The following SLC36A1 variants were observed in gnomAD, a reference collection of about 807,000 sequenced individuals.
SLC36A1 encodes solute carrier family 36 member 1, also known as proton-coupled amino acid transporter 1.
A neutral mutation model predicts 47.5 loss-of-function variants in SLC36A1; 30 were observed. The observed-to-expected ratio is 0.63, with a 90% CI of 0.47 to 0.86. SLC36A1 has a LOEUF of 0.86. SLC36A1 is among the 40% of genes least tolerant of loss of function. The pLI is 0.00. For synonymous variants in SLC36A1, 255 were observed against 249.7 expected (o/e 1.02, Z -0.20); for missense variants, 517 against 606.0 (o/e 0.85, Z 1.54).
chr5:151,448,541 C>T (rs1178481048), intron 1 of SLC36A1, among the ~76,000 whole-genome samples: 1 of 152,156 alleles, frequency 6.6e-6, no homozygotes, highest in Non-Finnish European at 1.5e-5. Flanking sequence ...GTAAGTCACA[C>T]CAAAATATGA....
At chr5:151,373,427 G>T in the SLC36A1 span, among the ~76,000 whole-genome samples, 1 of 152,242 alleles carries the variant, frequency 6.6e-6, no homozygotes, top group East Asian at 1.9e-4. Flanking sequence ...TAGATACAGA[G>T]AAACAGATAT....
Position 151,487,965 on chromosome 5 carries a change from T to C in SLC36A1, c.1160-18T>C, listed in dbSNP as rs1253319553. 1.5e-5 allele frequency: 25 copies of C among 1,613,348 alleles called. No individual in the cohort carries two copies. Among genetic ancestry groups the C allele is most frequent in the Non-Finnish European group, 1.9e-5 (23 of 1,179,832 alleles). ...CAGCTCTGGGCATCTTAAACAGGCA[T>C]GTCCTCTCTCCCTGCAGGCATCTTG... On this transcript the variant is annotated intron_variant, in intron 10 of 10. Transcript: ENST00000243389.
the SLC36A1 span, among the ~76,000 whole-genome samples, chr5:151,375,697 G>A: frequency 6.6e-6 from 1 of 152,008 alleles, no homozygotes; most frequent in Non-Finnish European, 1.5e-5. Context: ...TTTCCTTGTA[G>A]AGATCTTTCA....
the SLC36A1 span, among the ~76,000 whole-genome samples, chr5:151,409,042 A>G: frequency 7.1e-6 from 1 of 140,426 alleles, no homozygotes; most frequent in Non-Finnish European, 1.5e-5. Context: ...TGTGTTGCTC[A>G]GGCTGGAGTG....
At chr5:151,521,739 G>A in the SLC36A1 span, 1,182,777 of 1,613,792 alleles carry the variant, frequency 0.73, 436,490 homozygotes, top group East Asian at 0.95. Context: ...CATGCCACAC[G>A]TACACATGGA....
At chr5:151,527,592 T>C in the SLC36A1 span, among the ~76,000 whole-genome samples, 23 of 152,228 alleles carry the variant, frequency 1.5e-4, no homozygotes, top group Non-Finnish European at 2.8e-4. Flanking sequence ...AATGAGACCT[T>C]GGGAAAGTGA....
At chr5:151,544,400 C>G in the SLC36A1 span, 1 of 1,614,182 alleles carries the variant, frequency 6.2e-7, no homozygotes, top group Admixed American at 1.7e-5. Flanking sequence ...GTGGCTCTGA[C>G]TGTGAACACA....
In SLC36A1 at chr5:151,491,809, A is replaced by C. The variant is rs895287841; in HGVS notation, c.*3555A>C. 1.3e-5 allele frequency: 2 copies of C among 152,422 alleles called. No homozygotes were observed. Among genetic ancestry groups the C allele is most frequent in the South Asian group, 4.1e-4 (2 of 4,834 alleles). 9.4% of individuals were successfully genotyped at this position (152,422 alleles called of 1,614,324 possible). ...TGGCTTCCACTCTGCCTTAGAAGTTAATTTTCCAAAGTACATTACAAATCT... is the reference window on the plus strand; with the variant it reads ...TGGCTTCCACTCTGCCTTAGAAGTTCATTTTCCAAAGTACATTACAAATCT... On this transcript the variant is annotated 3_prime_UTR_variant, in exon 11 of 11. Coordinates refer to ENST00000243389, the MANE Select transcript of SLC36A1 (RefSeq NM_078483.4).
the SLC36A1 span, among the ~76,000 whole-genome samples, chr5:151,418,126 G>A: frequency 6.6e-6 from 1 of 152,272 alleles, no homozygotes; most frequent in Non-Finnish European, 1.5e-5. Flanking sequence ...CCTCTGCTTA[G>A]ATTTCAGAGG....
chr5:151,413,879 A>G, the SLC36A1 span, among the ~76,000 whole-genome samples: 1 of 152,074 alleles, frequency 6.6e-6, no homozygotes, highest in Non-Finnish European at 1.5e-5. Context: ...ATATATATGT[A>G]TATATATACA....
At chr5:151,380,762 A>G in the SLC36A1 span, 2 of 537,950 alleles carry the variant, frequency 3.7e-6, no homozygotes, top group East Asian at 1.0e-4. Flanking sequence ...TTGCAGACAG[A>G]TGGTGGACAT....
chr5:151,368,236 C>A, the SLC36A1 span, among the ~76,000 whole-genome samples: 1 of 152,212 alleles, frequency 6.6e-6, no homozygotes, highest in Non-Finnish European at 1.5e-5. Flanking sequence ...ACGCTGATAA[C>A]CTGCCATCAT....
At chr5:151,551,755 G>T in the SLC36A1 span, 1 of 653,594 alleles carries the variant, frequency 1.5e-6, no homozygotes, top group South Asian at 3.3e-5. Flanking sequence ...ATTCTCCCAG[G>T]GAGTCCCAAA....
intron 10 of SLC36A1, among the ~76,000 whole-genome samples, chr5:151,483,163 C>T (rs1019355454): frequency 5.9e-5 from 9 of 152,226 alleles, no homozygotes; most frequent in East Asian, 1.9e-4. Flanking sequence ...CAGCGTATTT[C>T]GTAAGTTCGC....
At chr5:151,543,956 G>A in the SLC36A1 span, 11 of 1,614,062 alleles carry the variant, frequency 6.8e-6, no homozygotes, top group South Asian at 4.4e-5. Context: ...CAGGTTGCCA[G>A]TTCACTGACA....
At chr5:151,476,893 G>A (rs1364224299) in intron 9 of SLC36A1, 137 bp downstream of exon 9, 1 of 1,065,172 alleles carries the variant, frequency 9.4e-7, no homozygotes, top group Non-Finnish European at 1.4e-6. Context: ...GCCACTGCCA[G>A]CCCTCACTGG....
chr5:151,477,145 T>A (rs1758181984), intron 9 of SLC36A1, among the ~76,000 whole-genome samples: 1 of 152,232 alleles, frequency 6.6e-6, no homozygotes, highest in African/African-American at 2.4e-5. Context: ...GATATGCAGA[T>A]GGGAGCATCT....
At chr5:151,373,613 C>T in the SLC36A1 span, among the ~76,000 whole-genome samples, 1 of 151,960 alleles carries the variant, frequency 6.6e-6, no homozygotes, top group Non-Finnish European at 1.5e-5. Flanking sequence ...CAGATCTGTT[C>T]TATAAAAGTT....
chr5:151,477,082 C>G, intron 9 of SLC36A1: 1 of 406,594 alleles, frequency 2.5e-6, no homozygotes, highest in South Asian at 2.0e-5. Flanking sequence ...GAGGGCAAAC[C>G]TGCATTTGAT....
Sources: allele counts gnomAD v4.1 joint callset (sites outside exome capture counted in the v4.1 genomes callset), GRCh38; gene constraint gnomAD v4.1.1; transcripts MANE v1.5; gene names NCBI Gene and HGNC (gene_info 2026-07-23, HGNC 2026-07-21).